KCNT2: variants seen among roughly 807,000 people sequenced by gnomAD.
KCNT2 encodes potassium channel subfamily T member 2.
A neutral mutation model predicts 153.8 loss-of-function variants in KCNT2; 67 were observed. The observed-to-expected ratio is 0.44, with a 90% confidence interval of 0.36 to 0.53. KCNT2 has a LOEUF of 0.53. Among genes scored for constraint, KCNT2 ranks in the 20% least tolerant of loss-of-function variants. KCNT2 has a pLI of 0.00. For missense variants in KCNT2, 975 were observed against 1,354.8 expected (o/e 0.72, Z 4.40); for synonymous variants, 500 against 458.8 (o/e 1.09, Z -1.15).
At chr1:196,361,098 A>T (rs1206496676) in intron 14 of KCNT2, among the ~76,000 whole-genome samples, 2 of 152,048 alleles carry the variant, frequency 1.3e-5, no homozygotes, top group Non-Finnish European at 2.9e-5. Flanking sequence ...TTAGTTGAAC[A>T]GCAGCCTATG....
chr1:196,230,639 A>C (rs1450018913), intron 27 of KCNT2, among the ~76,000 whole-genome samples: 1 of 152,022 alleles, frequency 6.6e-6, no homozygotes, highest in East Asian at 1.9e-4. Context: ...CAAGACTTCA[A>C]TGGAGGAAGT....
chr1:196,335,729 C>A (rs889874344), intron 16 of KCNT2, among the ~76,000 whole-genome samples: 6 of 152,062 alleles, frequency 3.9e-5, no homozygotes, highest in Non-Finnish European at 7.4e-5. Context: ...ATTTTTTAGA[C>A]CTTGTTATAA....
intron 12 of KCNT2, among the ~76,000 whole-genome samples, chr1:196,399,346 G>C (rs1021264601): frequency 6.6e-6 from 1 of 151,664 alleles, no homozygotes; most frequent in Admixed American, 6.6e-5. Context: ...TTTTGGAAAG[G>C]AAGCACAAAG....
At chr1:196,498,278 G>C (rs1486041561) in intron 1 of KCNT2, among the ~76,000 whole-genome samples, 1 of 152,050 alleles carries the variant, frequency 6.6e-6, no homozygotes, top group Non-Finnish European at 1.5e-5. Context: ...AGAAACACTA[G>C]TTTGCTTTTT....
intron 1 of KCNT2, among the ~76,000 whole-genome samples, chr1:196,498,557 T>C (rs1186606094): frequency 2.0e-5 from 3 of 152,224 alleles, no homozygotes; most frequent in African/African-American, 7.2e-5. Context: ...ATTCAATGGA[T>C]GCACAGAAGT....
At chr1:196,275,047 C>G (rs1658424362) in intron 25 of KCNT2, among the ~76,000 whole-genome samples, 2 of 151,848 alleles carry the variant, frequency 1.3e-5, no homozygotes, top group Admixed American at 1.3e-4. Context: ...AATATTCACT[C>G]TCAATGGAAT....
intron 12 of KCNT2, 145 bp from the exon 13 acceptor site, chr1:196,398,816 T>G (rs565117927): frequency 2.0e-6 from 1 of 491,064 alleles, no homozygotes; most frequent in East Asian, 3.2e-5. Context: ...TAAGGATACC[T>G]ATTATTTCCA....
rs951868074 is a variant in KCNT2 at position 196,592,721 on chromosome 1, A to T, written c.95+15494T>A. On this transcript the variant is annotated intron_variant, in intron 1 of 27. Coordinates refer to ENST00000294725, the MANE Select transcript of KCNT2 (RefSeq NM_198503.5). ...TATGTATATACACATATATAAATAT[A>T]TATATACATATATATATATAGTCAG... Among the ~76,000 whole-genome samples the T allele has an allele frequency of 8.2e-5, 12 of 147,082 alleles. No homozygotes were observed. In the Admixed American group the frequency reaches 8.2e-4, roughly 10 times the overall value.
chr1:196,290,538 ATGTG>A (rs553497317), intron 22 of KCNT2, among the ~76,000 whole-genome samples: 1 of 151,022 alleles, frequency 6.6e-6, no homozygotes, highest in Non-Finnish European at 1.5e-5. Flanking sequence ...ATACATATAT[ATGTG>A]TGTGTGTGTG....
chr1:196,328,055 T>C (rs1375259033), intron 18 of KCNT2, among the ~76,000 whole-genome samples: 2 of 152,094 alleles, frequency 1.3e-5, no homozygotes, highest in African/African-American at 4.8e-5. Context: ...CCACAAAGAC[T>C]ACGAATTTTG....
intron 8 of KCNT2, among the ~76,000 whole-genome samples, chr1:196,435,461 A>G (rs1439852622): frequency 6.6e-6 from 1 of 151,506 alleles, no homozygotes; most frequent in Non-Finnish European, 1.5e-5. Flanking sequence ...TAAATAATGT[A>G]CAAGTAAATA....
intron 8 of KCNT2, among the ~76,000 whole-genome samples, chr1:196,443,664 G>A (rs1318922073): frequency 6.6e-6 from 1 of 151,578 alleles, no homozygotes; most frequent in African/African-American, 2.4e-5. Context: ...GTTCCCTAAA[G>A]CGTTAAGCTA....
At chr1:196,444,035 T>C (rs1675472499) in intron 8 of KCNT2, among the ~76,000 whole-genome samples, 1 of 151,318 alleles carries the variant, frequency 6.6e-6, no homozygotes, top group African/African-American at 2.4e-5. Context: ...CTAGAAATGA[T>C]CCCTGAGGAA....
Position 196,530,521 on chromosome 1 carries a change from C to T in KCNT2, c.96-38180G>A, listed in dbSNP as rs537862879. On this transcript the variant is annotated intron_variant, in intron 1 of 27. Transcript: ENST00000294725. ...TATAAACAAACAAAAAATAGGTTACCAAAAACCATTGTGATTTGATCCTGT... is the reference window on the plus strand; with the variant it reads ...TATAAACAAACAAAAAATAGGTTACTAAAAACCATTGTGATTTGATCCTGT... Among the ~76,000 whole-genome samples, 63 of 151,726 alleles carry T rather than the reference C, an allele frequency of 4.2e-4. 1 individual carries two copies. The South Asian group carries it at 8.8e-3, about 21-fold the overall frequency.
intron 1 of KCNT2, among the ~76,000 whole-genome samples, chr1:196,493,657 A>G (rs555918434): frequency 2.0e-5 from 3 of 152,126 alleles, no homozygotes; most frequent in African/African-American, 7.2e-5. Flanking sequence ...TGCATCCATC[A>G]ATCTGTCATC....
At position 196,334,487 on chromosome 1, in the gene KCNT2, C is replaced by CTTTTTTTTT. The variant is rs533230418; in HGVS notation, c.1784-436_1784-428dup. 8.0e-3 allele frequency among the ~76,000 whole-genome samples: 693 copies of CTTTTTTTTT among 86,812 alleles called. 89 individuals are homozygous for CTTTTTTTTT. Among genetic ancestry groups the CTTTTTTTTT allele is most frequent in the African/African-American group, 0.026 (589 of 22,900 alleles). The allele number at this position is 86,812 out of a possible 152,430, so 57.0% of individuals were successfully genotyped here. On this transcript the variant is annotated intron_variant, in intron 16 of 27. Transcript: ENST00000294725. Reference sequence around the variant, plus strand: ...TTTTCTTTTATTTCTTTCTTTCTTTCTTTTTTTTTTTTAAGACAGAGTCTC... The same window carrying CTTTTTTTTT: ...TTTTCTTTTATTTCTTTCTTTCTTTCTTTTTTTTTTTTTTTTTTTTTAAGACAGAGTCTC...
Position 196,316,023 on chromosome 1 carries a change from TA to T in KCNT2, c.2351del (p.Leu784GlnfsTer9), listed in dbSNP as rs1558135600. ...TCACTCCACACCTGAGTAAGTCATC[TA>T]GGCTTTGATAAAAATCAACAGAGAA... ...VYYMVGSIDN[L>X]DDLLRCGVTF... On this transcript the variant is annotated frameshift_variant and splice_region_variant, in exon 21 of 28. Transcript: ENST00000294725. LOFTEE classifies it high-confidence loss of function. 1 of 1,608,704 alleles carries T rather than the reference TA, an allele frequency of 6.2e-7. No individual in the cohort carries two copies. The highest frequency in any genetic ancestry group is 1.3e-5 in the African/African-American group (1 of 74,654).
At position 196,257,276 on chromosome 1, in the gene KCNT2, T is replaced by C. The variant is rs1019172121; in HGVS notation, c.3211+918A>G. 5.1e-6 allele frequency: 5 copies of C among 984,790 alleles called. No individual in the cohort carries two copies. The African/African-American group carries it at 8.7e-5, about 17-fold the overall frequency. The allele number at this position is 984,790 out of a possible 1,614,324, so 61.0% of individuals were successfully genotyped here. ...TAACTTAATATGTGGGTTTTTTCCT[T>C]ATTCAAAGAAACAGAGGCAACTTCT... On this transcript the variant is annotated intron_variant, in intron 26 of 27. Coordinates refer to ENST00000294725, the MANE Select transcript of KCNT2 (RefSeq NM_198503.5).
At chr1:196,270,769 C>G (rs1558086087) in intron 25 of KCNT2, among the ~76,000 whole-genome samples, 1 of 151,640 alleles carries the variant, frequency 6.6e-6, no homozygotes, top group Admixed American at 6.6e-5. Flanking sequence ...AGAACCTATA[C>G]ACTATAAGGT....
Sources: gnomAD v4.1 joint callset for allele counts (sites outside exome capture counted in the v4.1 genomes callset) on GRCh38, gnomAD v4.1.1 for gene constraint, MANE v1.5 for transcripts, NCBI Gene and HGNC (gene_info 2026-07-23, HGNC 2026-07-21) for gene names.